SYNPO2: variants seen among roughly 807,000 people sequenced by gnomAD.
The protein encoded by SYNPO2 is synaptopodin 2, also known as synaptopodin-2.
Under a neutral mutation model 85.0 loss-of-function variants are expected in SYNPO2, and 56 were observed. The ratio of observed to expected loss-of-function variants is 0.66; its 90% CI spans 0.53 to 0.82. SYNPO2 has a LOEUF of 0.82. SYNPO2 is among the 40% of genes least tolerant of loss of function. The pLI, the probability that SYNPO2 is intolerant of heterozygous loss-of-function variation, is 0.00. For synonymous variants in SYNPO2, 602 were observed against 591.1 expected (o/e 1.02, Z -0.27); for missense variants, 1,575 against 1,534.2 (o/e 1.03, Z -0.44).
chr4:118,915,632 A>C (rs1183525033), intron 1 of SYNPO2, among the ~76,000 whole-genome samples: 1 of 152,142 alleles, frequency 6.6e-6, no homozygotes, highest in East Asian at 1.9e-4. Context: ...GCTATTGTGA[A>C]CACGTGTTAC....
chr4:118,927,730 A>AGAT (rs1401119003), intron 1 of SYNPO2, among the ~76,000 whole-genome samples: 240 of 145,592 alleles, frequency 1.6e-3, no homozygotes, highest in African/African-American at 3.4e-3. Flanking sequence ...ATAGATAGAT[A>AGAT]GATAGATAGA....
chr4:119,036,200 T>C (rs1035780127), intron 4 of SYNPO2: 1 of 985,316 alleles, frequency 1.0e-6, no homozygotes, highest in Non-Finnish European at 1.2e-6. Context: ...AAGAAATGAT[T>C]GTTTTTTGAA....
At chr4:119,002,283 T>C (rs962744364) in intron 1 of SYNPO2, among the ~76,000 whole-genome samples, 1 of 152,130 alleles carries the variant, frequency 6.6e-6, no homozygotes, top group African/African-American at 2.4e-5. Flanking sequence ...TCTTCTGAGA[T>C]GGAGTCTTGC....
chr4:118,987,694 T>G (rs897789292), intron 1 of SYNPO2, among the ~76,000 whole-genome samples: 50 of 152,104 alleles, frequency 3.3e-4, no homozygotes, highest in African/African-American at 1.1e-3. Context: ...TTCTAGATTA[T>G]TTTCTTCACT....
chr4:118,892,435 A>C (rs1017418492), intron 1 of SYNPO2, among the ~76,000 whole-genome samples: 4 of 152,172 alleles, frequency 2.6e-5, no homozygotes, highest in African/African-American at 9.7e-5. Context: ...AACAGAAACA[A>C]ATTTATCCAA....
At chr4:118,965,550 T>C (rs1735281013) in intron 1 of SYNPO2, among the ~76,000 whole-genome samples, 1 of 152,174 alleles carries the variant, frequency 6.6e-6, no homozygotes, top group South Asian at 2.1e-4. Flanking sequence ...AAGGAGACTT[T>C]TATGTTCCAG....
chr4:118,938,302 G>A (rs1326258224), intron 1 of SYNPO2, among the ~76,000 whole-genome samples: 4 of 152,002 alleles, frequency 2.6e-5, no homozygotes, highest in South Asian at 2.1e-4. Flanking sequence ...TCTGGCTGAC[G>A]GAGCAAGATT....
chr4:118,859,923 G>C (rs1236107679), intron 1 of SYNPO2, among the ~76,000 whole-genome samples: 4 of 151,992 alleles, frequency 2.6e-5, no homozygotes, highest in Admixed American at 6.6e-5. Flanking sequence ...CTTTCTTTTG[G>C]ATGTATACCT....
chr4:118,879,188 T>C (rs937517160), intron 1 of SYNPO2, among the ~76,000 whole-genome samples: 1 of 152,132 alleles, frequency 6.6e-6, no homozygotes, highest in East Asian at 1.9e-4. Context: ...CACACCATCT[T>C]TAAGAACGGT....
chr4:119,008,237 C>T (rs955022099), intron 1 of SYNPO2, among the ~76,000 whole-genome samples: 3 of 152,120 alleles, frequency 2.0e-5, no homozygotes, highest in Non-Finnish European at 4.4e-5. Flanking sequence ...CTGTGATTAT[C>T]AAGACATGTC....
intron 1 of SYNPO2, among the ~76,000 whole-genome samples, chr4:118,981,650 G>T (rs560696546): frequency 6.6e-6 from 1 of 152,142 alleles, no homozygotes; most frequent in Admixed American, 6.5e-5. Flanking sequence ...TGGCCCCAAA[G>T]GCATAAGGGG....
chr4:118,973,767 A>G (rs1242966480), intron 1 of SYNPO2, among the ~76,000 whole-genome samples: 1 of 152,176 alleles, frequency 6.6e-6, no homozygotes, highest in East Asian at 1.9e-4. Flanking sequence ...TTGGATATTA[A>G]TTAGTATCAG....
At chr4:119,014,347 G>C (rs917557718) in intron 1 of SYNPO2, among the ~76,000 whole-genome samples, 2 of 152,180 alleles carry the variant, frequency 1.3e-5, no homozygotes, top group African/African-American at 4.8e-5. Context: ...CTGGGAGGCG[G>C]AGGTTGCAGC....
At chr4:118,876,046 A>C (rs992872663) in intron 1 of SYNPO2, among the ~76,000 whole-genome samples, 2 of 152,204 alleles carry the variant, frequency 1.3e-5, no homozygotes, top group Non-Finnish European at 2.9e-5. Flanking sequence ...AATCTTAACC[A>C]AATTTGGTTT....
At chr4:118,855,865 C>T (rs1041646357) in intron 1 of SYNPO2, among the ~76,000 whole-genome samples, 1 of 152,198 alleles carries the variant, frequency 6.6e-6, no homozygotes, top group African/African-American at 2.4e-5. Context: ...CACATATATA[C>T]TTGTGCAGGC....
At chr4:118,925,406 T>A (rs1003540982) in intron 1 of SYNPO2, among the ~76,000 whole-genome samples, 1 of 152,142 alleles carries the variant, frequency 6.6e-6, no homozygotes, top group African/African-American at 2.4e-5. Context: ...TGTCATTTTT[T>A]TTTTCTACCT....
At chr4:118,914,740 A>G (rs1733254052) in intron 1 of SYNPO2, among the ~76,000 whole-genome samples, 1 of 152,170 alleles carries the variant, frequency 6.6e-6, no homozygotes, top group Non-Finnish European at 1.5e-5. Flanking sequence ...GACAGCAAAT[A>G]AAATGTAATT....
At chr4:119,027,742 A>C (rs1041242049) in intron 3 of SYNPO2, among the ~76,000 whole-genome samples, 1 of 152,228 alleles carries the variant, frequency 6.6e-6, no homozygotes, top group Non-Finnish European at 1.5e-5. Flanking sequence ...TGTTTCAGAC[A>C]GTTGAAATAG....
chr4:118,871,518 CTT>C (rs376126718), intron 1 of SYNPO2, among the ~76,000 whole-genome samples: 15 of 151,874 alleles, frequency 9.9e-5, no homozygotes, highest in Admixed American at 4.6e-4. Flanking sequence ...CCTTGTCTGA[CTT>C]GTTAATTTCT....
Sources: allele counts gnomAD v4.1 joint callset (sites outside exome capture counted in the v4.1 genomes callset), GRCh38; gene constraint gnomAD v4.1.1; transcripts MANE v1.5; gene names NCBI Gene and HGNC (gene_info 2026-07-23, HGNC 2026-07-21).